The following BCL2 variants were observed in gnomAD, a reference collection of about 807,000 sequenced individuals.
BCL2 encodes the protein apoptosis regulator Bcl-2.
In BCL2, 1 loss-of-function variant was observed where a neutral mutation model predicts 14.2. The ratio of observed to expected loss-of-function variants is 0.07; its 90% CI spans 0.02 to 0.33. The LOEUF is 0.33. Ranked by LOEUF, BCL2 falls within the 10% of genes least tolerant of loss-of-function variation. The pLI is 0.99. For missense variants in BCL2, 247 were observed against 305.9 expected (o/e 0.81, Z 1.44); for synonymous variants, 151 against 137.2 (o/e 1.10, Z -0.70).
In BCL2 at chr18:63,184,508, G is replaced by A. The variant is rs554651423; in HGVS notation, c.586-55749C>T. 9.2e-5 allele frequency among the ~76,000 whole-genome samples: 14 copies of A among 152,340 alleles called. No homozygotes were observed. In the South Asian group the frequency reaches 2.9e-3, roughly 32 times the overall value. ...AGATCTTCAAGCATGCCAGGAGGAA[G>A]TCCATAGAGCTCTGCTTTGCACCAA... On this transcript the variant is annotated intron_variant, in intron 2 of 2. Transcript: ENST00000333681.
chr18:63,205,285 T>C (rs1194749357), intron 2 of BCL2, among the ~76,000 whole-genome samples: 1 of 152,228 alleles, frequency 6.6e-6, no homozygotes, highest in African/African-American at 2.4e-5. Flanking sequence ...CCTGGCTGTC[T>C]TCCCTGCTAG....
intron 2 of BCL2, among the ~76,000 whole-genome samples, chr18:63,218,793 A>G (rs1023225324): frequency 2.6e-4 from 2 of 7,708 alleles, no homozygotes; most frequent in Admixed American, 1.2e-3. Context: ...ACTCATCCCC[A>G]TCTACTCATC....
At chr18:63,187,821 C>G (rs541913793) in intron 2 of BCL2, among the ~76,000 whole-genome samples, 1 of 152,204 alleles carries the variant, frequency 6.6e-6, no homozygotes, top group African/African-American at 2.4e-5. Flanking sequence ...GATTACGTTA[C>G]TTGAATGTTT....
chr18:63,198,427 CACAG>C (rs1385356944), intron 2 of BCL2, among the ~76,000 whole-genome samples: 4 of 147,380 alleles, frequency 2.7e-5, no homozygotes, highest in Non-Finnish European at 6.1e-5. Context: ...CAGAGACACA[CACAG>C]ACACACACTG....
intron 2 of BCL2, among the ~76,000 whole-genome samples, chr18:63,299,611 C>T (rs1197149557): frequency 6.6e-6 from 1 of 152,164 alleles, no homozygotes; most frequent in Non-Finnish European, 1.5e-5. Flanking sequence ...CTTAGTGGGG[C>T]ACATAGAGCC....
intron 2 of BCL2, among the ~76,000 whole-genome samples, chr18:63,312,508 T>G (rs1347079854): frequency 3.3e-5 from 5 of 152,236 alleles, no homozygotes; most frequent in Non-Finnish European, 7.3e-5. Context: ...TTTGTTGGCA[T>G]TTTGAAAGTT....
chr18:63,302,378 A>C (rs919628639), intron 2 of BCL2: 1 of 985,130 alleles, frequency 1.0e-6, no homozygotes, highest in Non-Finnish European at 1.2e-6. Flanking sequence ...CAACTAACAC[A>C]GAGCCTGGGG....
chr18:63,190,727 A>G (rs1344108206), intron 2 of BCL2, among the ~76,000 whole-genome samples: 24 of 152,012 alleles, frequency 1.6e-4, no homozygotes, highest in Admixed American at 9.2e-4. Context: ...GTTCTGGGAT[A>G]CATGTGCACC....
chr18:63,157,211 A>G (rs1914805697), intron 2 of BCL2, among the ~76,000 whole-genome samples: 1 of 152,246 alleles, frequency 6.6e-6, no homozygotes, highest in Non-Finnish European at 1.5e-5. Context: ...CCCTTATTTT[A>G]AAATCAAGGA....
At chr18:63,167,839 T>A (rs559400853) in intron 2 of BCL2, among the ~76,000 whole-genome samples, 1 of 151,114 alleles carries the variant, frequency 6.6e-6, no homozygotes, top group East Asian at 1.9e-4. Flanking sequence ...GGTAGGAGAA[T>A]CATTTAAACC....
rs372203904 is a variant in BCL2 at position 63,251,911 on chromosome 18, C to T, written c.585+66171G>A. Among the ~76,000 whole-genome samples the T allele has an allele frequency of 1.4e-4, 22 of 152,094 alleles. No homozygotes were observed. In the East Asian group the frequency reaches 1.8e-3, roughly 12 times the overall value. On this transcript the variant is annotated intron_variant, in intron 2 of 2. Transcript: ENST00000333681. ...ATGGGGTTTCACCATGTTGGTCAGG[C>T]TGGTCTCAAACTCCTAACCTCAGGT...
intron 2 of BCL2, among the ~76,000 whole-genome samples, chr18:63,266,633 T>TCACACACACACACA (rs1238518850): frequency 4.1e-5 from 6 of 145,392 alleles, no homozygotes; most frequent in African/African-American, 1.6e-4. Context: ...TCTCTCTCTC[T>TCACACACACACACA]CTCTCACACA....
At chr18:63,148,408 C>T (rs1034593870) in intron 2 of BCL2, among the ~76,000 whole-genome samples, 1 of 151,960 alleles carries the variant, frequency 6.6e-6, no homozygotes, top group Non-Finnish European at 1.5e-5. Context: ...ATATAAAATG[C>T]CCAGATGAAA....
chr18:63,283,865 CGAG>C, intron 2 of BCL2, among the ~76,000 whole-genome samples: 1 of 152,296 alleles, frequency 6.6e-6, no homozygotes, highest in Non-Finnish European at 1.5e-5. Flanking sequence ...AACTGCTCCC[CGAG>C]GATTCTTCCT....
At chr18:63,173,571 T>G (rs1915279493) in intron 2 of BCL2, among the ~76,000 whole-genome samples, 3 of 152,236 alleles carry the variant, frequency 2.0e-5, no homozygotes, top group Admixed American at 2.0e-4. Flanking sequence ...TTTCCTATTT[T>G]GGTTGCTCTA....
intron 2 of BCL2, among the ~76,000 whole-genome samples, chr18:63,237,134 C>T (rs954411117): frequency 2.0e-5 from 3 of 152,118 alleles, no homozygotes; most frequent in African/African-American, 7.2e-5. Context: ...GCCCCCACCC[C>T]ACCTCTATAC....
chr18:63,238,646 T>C (rs2144188609), intron 2 of BCL2, among the ~76,000 whole-genome samples: 1 of 152,224 alleles, frequency 6.6e-6, no homozygotes, highest in East Asian at 1.9e-4. Flanking sequence ...CATAAATACA[T>C]GGTGGGGCCT....
At chr18:63,179,168 G>T (rs1040083247) in intron 2 of BCL2, among the ~76,000 whole-genome samples, 3 of 152,130 alleles carry the variant, frequency 2.0e-5, no homozygotes, top group East Asian at 3.9e-4. Flanking sequence ...CACACACAAA[G>T]ATTCTGCAAT....
At chr18:63,312,832 T>C (rs1051329788) in intron 2 of BCL2, among the ~76,000 whole-genome samples, 1 of 152,256 alleles carries the variant, frequency 6.6e-6, no homozygotes, top group Non-Finnish European at 1.5e-5. Context: ...TTAAAAAGAA[T>C]TAATGAAATG....
Sources: allele counts gnomAD v4.1 joint callset (sites outside exome capture counted in the v4.1 genomes callset), GRCh38; gene constraint gnomAD v4.1.1; transcripts MANE v1.5; gene names NCBI Gene and HGNC (gene_info 2026-07-23, HGNC 2026-07-21).